Variants in NAALADL2 observed in about 807,000 individuals in gnomAD.
NAALADL2 encodes inactive N-acetylated-alpha-linked acidic dipeptidase-like protein 2.
A neutral mutation model predicts 87.2 loss-of-function variants in NAALADL2; 76 were observed. The ratio of observed to expected loss-of-function variants is 0.87; its 90% CI spans 0.72 to 1.05. NAALADL2 has a LOEUF of 1.05. Among genes scored for constraint, NAALADL2 ranks in the 50% least tolerant of loss-of-function variants. The probability of loss-of-function intolerance (pLI) is 0.00; values close to 1 mark genes in which losing one functional copy is unlikely to be tolerated. For missense variants in NAALADL2, 1,089 were observed against 945.8 expected (o/e 1.15, Z -1.99); for synonymous variants, 354 against 331.0 (o/e 1.07, Z -0.75).
intron 2 of NAALADL2, among the ~76,000 whole-genome samples, chr3:174,721,782 G>T (rs1441774899): frequency 6.6e-6 from 1 of 152,148 alleles, no homozygotes; most frequent in Non-Finnish European, 1.5e-5. Context: ...GGGTCACGTG[G>T]AGCACCAGCT....
rs568292794 is a variant in NAALADL2, at chr3:174,853,738, C to A, written c.-9+115992C>A. Among the ~76,000 whole-genome samples, 4 of 151,950 alleles carry A rather than the reference C, an allele frequency of 2.6e-5. No homozygotes were observed. In the East Asian group the frequency reaches 7.7e-4, roughly 29 times the overall value. On this transcript the variant is annotated intron_variant, in intron 3 of 3. Coordinates refer to the NAALADL2 transcript ENST00000434257. ...GCCAAAGATCTGAATAGACATCTTG[C>A]AAAAGAAGATATAAAAATGGCCAAT...
intron 2 of NAALADL2, among the ~76,000 whole-genome samples, chr3:174,653,908 G>A (rs1404600897): frequency 1.3e-5 from 2 of 152,006 alleles, no homozygotes; most frequent in Non-Finnish European, 2.9e-5. Flanking sequence ...ATACTTTAGA[G>A]TTCTGAGCTT....
chr3:175,534,801 G>T (rs576052486), intron 9 of NAALADL2, among the ~76,000 whole-genome samples: 1 of 151,738 alleles, frequency 6.6e-6, no homozygotes, highest in Non-Finnish European at 1.5e-5. Flanking sequence ...TTGGTTCTAT[G>T]ATTGGTTTTC....
rs376177335 is a variant in NAALADL2 at position 175,653,005 on chromosome 3, A to G, written c.1896+25619A>G. On this transcript the variant is annotated intron_variant, in intron 11 of 13. Transcript: ENST00000454872. Reference sequence around the variant, plus strand: ...ATTTTGTATGTTATATGTATTGTACACTGTATTCTTACAATAAAGCAAGCT... The same window carrying G: ...ATTTTGTATGTTATATGTATTGTACGCTGTATTCTTACAATAAAGCAAGCT... Among the ~76,000 whole-genome samples the G allele has an allele frequency of 3.4e-4, 52 of 152,286 alleles. No individual in the cohort carries two copies. In the South Asian group the frequency reaches 0.01, roughly 30 times the overall value.
At chr3:175,527,510 C>T (rs1247156298) in intron 9 of NAALADL2, among the ~76,000 whole-genome samples, 2 of 152,012 alleles carry the variant, frequency 1.3e-5, no homozygotes, top group Non-Finnish European at 2.9e-5. Flanking sequence ...ATTTTGATTC[C>T]ACCAATAAAA....
At chr3:174,897,580 A>G (rs1193711555) in intron 1 of NAALADL2, among the ~76,000 whole-genome samples, 1 of 152,236 alleles carries the variant, frequency 6.6e-6, no homozygotes, top group Non-Finnish European at 1.5e-5. Flanking sequence ...AATATAAATT[A>G]GTACAATCAC....
chr3:175,762,826 G>A (rs895899817), intron 13 of NAALADL2, among the ~76,000 whole-genome samples: 2 of 152,172 alleles, frequency 1.3e-5, no homozygotes, highest in Admixed American at 6.5e-5. Context: ...TGGCACGCGT[G>A]TAATCCCAGC....
intron 11 of NAALADL2, among the ~76,000 whole-genome samples, chr3:175,723,429 G>C (rs1583018879): frequency 6.6e-6 from 1 of 152,142 alleles, no homozygotes; most frequent in East Asian, 1.9e-4. Flanking sequence ...AGGCTAATGT[G>C]TTTTCAACAA....
At chr3:174,930,038 C>G (rs772780127) in intron 1 of NAALADL2, among the ~76,000 whole-genome samples, 21 of 152,218 alleles carry the variant, frequency 1.4e-4, no homozygotes, top group Non-Finnish European at 2.6e-4. Flanking sequence ...TAGTTTCTCT[C>G]TTAGTGTACT....
At chr3:174,647,429 T>C (rs889082703) in intron 2 of NAALADL2, among the ~76,000 whole-genome samples, 1 of 152,212 alleles carries the variant, frequency 6.6e-6, no homozygotes, top group Non-Finnish European at 1.5e-5. Flanking sequence ...ATGTCTTGTC[T>C]GTAGGGAGCA....
intron 3 of NAALADL2, among the ~76,000 whole-genome samples, chr3:174,808,195 G>A (rs1456584313): frequency 6.6e-6 from 1 of 152,046 alleles, no homozygotes; most frequent in Non-Finnish European, 1.5e-5. Context: ...AATTCACTAT[G>A]AAGAGTTGAT....
chr3:174,809,037 A>G (rs1560245238), intron 3 of NAALADL2, among the ~76,000 whole-genome samples: 1 of 152,168 alleles, frequency 6.6e-6, no homozygotes, highest in Admixed American at 6.6e-5. Flanking sequence ...TATGGAACCT[A>G]TTTGTTTTGT....
intron 1 of NAALADL2, among the ~76,000 whole-genome samples, chr3:175,062,166 A>G (rs1713636113): frequency 6.6e-6 from 1 of 152,178 alleles, no homozygotes; most frequent in African/African-American, 2.4e-5. Flanking sequence ...CTAATTTAGC[A>G]TTACTATTTG....
chr3:175,218,371 C>A (rs954700239), intron 2 of NAALADL2, among the ~76,000 whole-genome samples: 2 of 152,000 alleles, frequency 1.3e-5, no homozygotes, highest in African/African-American at 4.8e-5. Flanking sequence ...ATCTTAACAC[C>A]CACTGATCAA....
At chr3:174,947,862 T>A (rs56105773) in intron 1 of NAALADL2, among the ~76,000 whole-genome samples, 8,692 of 152,180 alleles carry the variant, frequency 0.057, 784 homozygotes, top group African/African-American at 0.19. Flanking sequence ...TGCACTGAGC[T>A]TTATTTTCTA....
At chr3:175,385,336 A>T (rs555352124) in intron 5 of NAALADL2, among the ~76,000 whole-genome samples, 1 of 152,226 alleles carries the variant, frequency 6.6e-6, no homozygotes, top group South Asian at 2.1e-4. Context: ...CTTCAATAAT[A>T]GATTCCATTG....
At chr3:175,616,291 A>G (rs1725344113) in intron 10 of NAALADL2, among the ~76,000 whole-genome samples, 1 of 148,368 alleles carries the variant, frequency 6.7e-6, no homozygotes, top group African/African-American at 2.5e-5. Context: ...TATAATAAAT[A>G]TGAATATAAA....
At chr3:174,912,991 A>G (rs929649651) in intron 1 of NAALADL2, among the ~76,000 whole-genome samples, 1 of 152,186 alleles carries the variant, frequency 6.6e-6, no homozygotes, top group Non-Finnish European at 1.5e-5. Context: ...TAAAATACAC[A>G]TATTTCCACA....
intron 11 of NAALADL2, among the ~76,000 whole-genome samples, chr3:175,634,047 G>A (rs1359750473): frequency 6.6e-6 from 1 of 151,722 alleles, no homozygotes; most frequent in African/African-American, 2.4e-5. Flanking sequence ...TTTTTATAGA[G>A]TTTAAATTCT....
Sources: gnomAD v4.1 joint callset for allele counts (sites outside exome capture counted in the v4.1 genomes callset) on GRCh38, gnomAD v4.1.1 for gene constraint, MANE v1.5 for transcripts, NCBI Gene and HGNC (gene_info 2026-07-23, HGNC 2026-07-21) for gene names.